Variants in ABCC4 observed in about 807,000 individuals in gnomAD.
ABCC4 encodes ATP-binding cassette sub-family C member 4.
A neutral mutation model predicts 168.5 loss-of-function variants in ABCC4; 102 were observed. That is an observed-to-expected ratio of 0.61 (90% CI 0.52 to 0.71). ABCC4 has a LOEUF of 0.71. Among genes scored for constraint, ABCC4 ranks in the 30% least tolerant of loss-of-function variants. The probability of loss-of-function intolerance (pLI) is 0.00; values close to 1 mark genes in which losing one functional copy is unlikely to be tolerated. For missense variants in ABCC4, 1,402 were observed against 1,605.8 expected, an observed-to-expected ratio of 0.87 and a Z score of 2.17; for synonymous variants, 617 against 590.7, an observed-to-expected ratio of 1.04 and a Z score of -0.65.
At chr13:95,238,280 G>A (rs1454308947) in intron 3 of ABCC4, among the ~76,000 whole-genome samples, 1 of 151,610 alleles carries the variant, frequency 6.6e-6, no homozygotes, top group Non-Finnish European at 1.5e-5. Flanking sequence ...AAGAAAAAAG[G>A]TGAATCTGGG....
intron 29 of ABCC4, among the ~76,000 whole-genome samples, chr13:95,036,927 T>C (rs895488753): frequency 6.6e-6 from 1 of 151,378 alleles, no homozygotes; most frequent in African/African-American, 2.4e-5. Context: ...TTACTAAAAA[T>C]ACAAAAATTA....
intron 4 of ABCC4, among the ~76,000 whole-genome samples, chr13:95,232,492 C>A (rs1224914877): frequency 6.6e-6 from 1 of 152,092 alleles, no homozygotes; most frequent in Non-Finnish European, 1.5e-5. Context: ...GCCTGGCCAA[C>A]ATGGTGACAC....
Position 95,115,960 on chromosome 13 carries a change from C to T in ABCC4, c.2497G>A (p.Asp833Asn). 6.2e-7 allele frequency: 1 copy of T among 1,613,542 alleles called. No individual in the cohort carries two copies. The highest frequency in any genetic ancestry group is 8.5e-7 in the Non-Finnish European group (1 of 1,179,882). The change falls in exon 20 of 31, where the codon GAT (aspartate) becomes AAT (asparagine). Residue 833 changes from aspartate (D) to asparagine (N), a missense_variant. Physicochemically the swap from Asp to Asn is conservative, Grantham distance 23. Around this residue, in one of 3 missense-constraint regions of ABCC4, gnomAD observed 1,007 missense variants for 1,127.3 expected, o/e 0.89. Transcript: ENST00000645237. ...NRFSKDIGHL[D>N]DLLPLTFLDF... ...AAAAACGTCAGCGGCAGCAAATCATCCAAGTGTCCAATGTCTTTGGAGAAA... is the reference window on the plus strand; with the variant it reads ...AAAAACGTCAGCGGCAGCAAATCATTCAAGTGTCCAATGTCTTTGGAGAAA...
chr13:95,207,947 A>C, intron 6 of ABCC4, 22 bp from the exon 7 acceptor site: 1 of 1,609,678 alleles, frequency 6.2e-7, no homozygotes, highest in Non-Finnish European at 8.5e-7. Flanking sequence ...CAGACACGGG[A>C]GATGAGCCTG....
chr13:95,117,240 C>T (rs2035409452), intron 19 of ABCC4, among the ~76,000 whole-genome samples: 2 of 144,124 alleles, frequency 1.4e-5, no homozygotes, highest in Admixed American at 7.1e-5. Flanking sequence ...AGGGATTAAA[C>T]GGGCTCATGC....
At chr13:95,230,539 G>A (rs535939036) in intron 4 of ABCC4, among the ~76,000 whole-genome samples, 1 of 152,328 alleles carries the variant, frequency 6.6e-6, no homozygotes, top group Admixed American at 6.5e-5. Flanking sequence ...CACTTTGGGA[G>A]GCCAAGGTGA....
At chr13:95,265,290 T>C (rs1388181154) in intron 1 of ABCC4, among the ~76,000 whole-genome samples, 3 of 152,174 alleles carry the variant, frequency 2.0e-5, no homozygotes, top group Non-Finnish European at 4.4e-5. Flanking sequence ...AGGAGTGGTA[T>C]GTATGCACCA....
chr13:95,216,024 C>T (rs1481921178), intron 4 of ABCC4, among the ~76,000 whole-genome samples: 2 of 152,156 alleles, frequency 1.3e-5, no homozygotes, highest in African/African-American at 4.8e-5. Flanking sequence ...TAGACCAAGT[C>T]ATATTCATTT....
At chr13:95,146,127 C>T (rs1043073656) in intron 19 of ABCC4, among the ~76,000 whole-genome samples, 2 of 151,388 alleles carry the variant, frequency 1.3e-5, no homozygotes, top group East Asian at 1.9e-4. Flanking sequence ...AGGATAATTG[C>T]TTACACCCCA....
intron 19 of ABCC4, among the ~76,000 whole-genome samples, chr13:95,157,086 T>C (rs2036886053): frequency 9.8e-6 from 1 of 102,488 alleles, no homozygotes; most frequent in Non-Finnish European, 1.8e-5. Flanking sequence ...AGTGAGACTC[T>C]ACCACACACA....
intron 20 of ABCC4, among the ~76,000 whole-genome samples, chr13:95,102,331 A>C (rs1317137937): frequency 6.6e-6 from 1 of 152,098 alleles, no homozygotes; most frequent in Admixed American, 6.6e-5. Context: ...TTTTTTGTAG[A>C]GACAGGGTCT....
chr13:95,136,405 T>C (rs1469211136), intron 19 of ABCC4, among the ~76,000 whole-genome samples: 6 of 152,174 alleles, frequency 3.9e-5, no homozygotes, highest in Non-Finnish European at 5.9e-5. Flanking sequence ...TCCACCCACC[T>C]TGGCCTCCCA....
chr13:95,041,052 A>G (rs994183264), intron 29 of ABCC4, among the ~76,000 whole-genome samples: 1 of 152,242 alleles, frequency 6.6e-6, no homozygotes, highest in African/African-American at 2.4e-5. Context: ...ACAGGTCACA[A>G]GTAACCAGCT....
chr13:95,129,673 A>G (rs2035894478), intron 19 of ABCC4, among the ~76,000 whole-genome samples: 1 of 152,174 alleles, frequency 6.6e-6, no homozygotes, highest in African/African-American at 2.4e-5. Context: ...ATGTTTCATG[A>G]AAAAAAATTT....
intron 20 of ABCC4, among the ~76,000 whole-genome samples, chr13:95,109,391 A>AACACACACACACAC (rs61165942): frequency 4.1e-4 from 61 of 150,340 alleles, no homozygotes; most frequent in Non-Finnish European, 6.2e-4. Context: ...CAGGTGTGCA[A>AACACACACACACAC]ACACACACAC....
chr13:95,041,671 AC>A (rs1291265913), intron 29 of ABCC4, among the ~76,000 whole-genome samples: 8 of 152,220 alleles, frequency 5.3e-5, no homozygotes, highest in Non-Finnish European at 1.0e-4. Context: ...TCTAAAGCAA[AC>A]AAGGGGAAAA....
chr13:95,132,037 G>C (rs1751070), intron 19 of ABCC4, among the ~76,000 whole-genome samples: 102,742 of 151,974 alleles, frequency 0.68, 36,305 homozygotes, highest in African/African-American at 0.88. Flanking sequence ...ATAGTCAAAG[G>C]GCAGAAGCAA....
chr13:95,240,395 G>T (rs962560648), intron 3 of ABCC4, among the ~76,000 whole-genome samples: 1 of 151,948 alleles, frequency 6.6e-6, no homozygotes, highest in African/African-American at 2.4e-5. Context: ...CCCGGGCATG[G>T]TGGCAGATGC....
chr13:95,255,252 G>T (rs1441288048), intron 1 of ABCC4, among the ~76,000 whole-genome samples: 1 of 152,172 alleles, frequency 6.6e-6, no homozygotes, highest in African/African-American at 2.4e-5. Context: ...ATTCTGCTCA[G>T]ACCCCAAAAC....
Sources: gnomAD v4.1 joint callset for allele counts (sites outside exome capture counted in the v4.1 genomes callset) on GRCh38, gnomAD v4.1.1 for gene constraint, gnomAD v4.1.1 regional missense constraint, MANE v1.5 for transcripts, NCBI Gene and HGNC (gene_info 2026-07-23, HGNC 2026-07-21) for gene names.